ZNF462: variants seen among roughly 807,000 people sequenced by gnomAD.
ZNF462 encodes zinc finger protein 462, also known as zinc finger PBX1-interacting protein.
Under a neutral mutation model 201.9 loss-of-function variants are expected in ZNF462, and 10 were observed. That is an observed-to-expected ratio of 0.05 (90% confidence interval 0.03 to 0.08). ZNF462 has a LOEUF of 0.08. Ranked by LOEUF, ZNF462 falls within the 10% of genes least tolerant of loss-of-function variation. The pLI, the probability that ZNF462 is intolerant of heterozygous loss-of-function variation, is 1.00. For synonymous variants in ZNF462, 1,227 were observed against 1,193.3 expected (o/e 1.03, Z -0.58); for missense variants, 2,523 against 3,168.3 (o/e 0.80, Z 4.89).
chr9:106,863,048 GGAGGAGAGGAGA>G, upstream of ZNF462: 2 of 394,700 alleles, frequency 5.1e-6, no homozygotes, highest in Non-Finnish European at 8.9e-6. Flanking sequence ...CGAGGGAGAG[GGAGGAGAGGAGA>G]GAGAAGAGGA....
rs1306953823 is a variant in ZNF462, at chr9:106,923,411, G to C, written c.28G>C (p.Asp10His). The C allele has an allele frequency of 1.9e-6, 3 of 1,614,064 alleles. No homozygotes were observed. The African/African-American group carries it at 4.0e-5, about 22-fold the overall frequency. Reference protein sequence around the residue: MEVLQCDGCDFRAPSYEDLK... With the variant: MEVLQCDGCHFRAPSYEDLK... ...GGAGGTGCTTCAGTGTGATGGCTGTGATTTCCGAGCCCCGTCTTATGAAGA... is the reference window on the plus strand; with the variant it reads ...GGAGGTGCTTCAGTGTGATGGCTGTCATTTCCGAGCCCCGTCTTATGAAGA... The change falls in exon 2 of 13, where the codon GAT (aspartate) becomes CAT (histidine). Residue 10 changes from aspartate to histidine, a missense_variant. Asp to His is a moderately conservative substitution (Grantham distance 81). Coordinates refer to ENST00000277225, the MANE Select transcript of ZNF462 (RefSeq NM_021224.6). The surrounding 1 kb of genome is among the most constrained non-coding windows in gnomAD (Gnocchi z 5.6).
rs538337965 is a variant in ZNF462 at position 106,926,878 on chromosome 9, C to T, written c.2966C>T (p.Ala989Val). Reference protein sequence around the residue: ...EILNSAPKNMATSTPVARGGG... With the variant: ...EILNSAPKNMVTSTPVARGGG... ...CTGAATTCGGCTCCCAAGAACATGG[C>T]GACTTCCACACCTGTGGCTCGTGGT... The change falls in exon 3 of 13, where the codon GCG (alanine) becomes GTG (valine). Residue 989 changes from alanine (A) to valine (V), a missense_variant. Physicochemically the swap from Ala to Val is moderately conservative, Grantham distance 64. Transcript: ENST00000277225. This position sits in a 1 kb window ranked among gnomAD's most constrained non-coding sequence, Gnocchi z 7.9. 17 of 1,614,094 alleles carry T rather than the reference C, an allele frequency of 1.1e-5. No homozygotes were observed. The highest frequency in any genetic ancestry group is 3.3e-5 in the Admixed American group (2 of 60,026).
At position 106,917,350 on chromosome 9, in the gene ZNF462, A is replaced by G. The variant is rs1829815553; in HGVS notation, c.-30-6004A>G. Among the ~76,000 whole-genome samples the G allele has an allele frequency of 6.6e-6, 1 of 152,218 alleles. No individual in the cohort carries two copies. The highest frequency in any genetic ancestry group is 1.5e-5 in the Non-Finnish European group (1 of 68,032). On this transcript the variant is annotated intron_variant, in intron 1 of 12. Transcript: ENST00000277225. The surrounding 1 kb of genome is among the most constrained non-coding windows in gnomAD (Gnocchi z 4.5). ...TAAAATAAAAAGTAACCTGAAGGCT[A>G]GCATCCTTGGCCAGTAGGTGATTGG...
In ZNF462 at chr9:107,003,840, G is replaced by A. The variant is rs1829366379; in HGVS notation, c.7189+414G>A. Among the ~76,000 whole-genome samples, 1 of 152,074 alleles carries A rather than the reference G, an allele frequency of 6.6e-6. No homozygotes were observed. The highest frequency in any genetic ancestry group is 6.6e-5 in the Admixed American group (1 of 15,224). ...TGCTGGGGCACACACTGCTGGAACTGTAGGGGACGGTGGTGCAAAGAACTT... is the reference window on the plus strand; with the variant it reads ...TGCTGGGGCACACACTGCTGGAACTATAGGGGACGGTGGTGCAAAGAACTT... On this transcript the variant is annotated intron_variant, in intron 11 of 12. Transcript: ENST00000277225. This position sits in a 1 kb window ranked among gnomAD's most constrained non-coding sequence, Gnocchi z 4.4.
intron 7 of ZNF462, among the ~76,000 whole-genome samples, chr9:106,945,501 G>A (rs1029389099): frequency 1.9e-4 from 28 of 145,304 alleles, no homozygotes; most frequent in Non-Finnish European, 3.6e-4. Context: ...AAAATGAGGT[G>A]GTTTCTTTAA....
intron 11 of ZNF462, among the ~76,000 whole-genome samples, chr9:107,007,707 G>A (rs1008128712): frequency 3.3e-5 from 5 of 152,170 alleles, no homozygotes; most frequent in African/African-American, 1.2e-4. Flanking sequence ...AGCCTCGGGT[G>A]TTTCTGCTAG....
rs1827179488 is a variant in ZNF462, at chr9:106,864,039, G to GCTCGCGCT, written c.-31+687_-31+688insGCGCTCTC. Among the ~76,000 whole-genome samples, 21 of 22,758 alleles carry GCTCGCGCT rather than the reference G, an allele frequency of 9.2e-4. 1 individual carries two copies. Among genetic ancestry groups the GCTCGCGCT allele is most frequent in the Admixed American group, 7.0e-3 (12 of 1,716 alleles). 14.9% of individuals were successfully genotyped at this position (22,758 alleles called of 152,430 possible). ...AGCCCCCCTCTTCCTCAGGTATTTGGCTCTCTCTCTCTCTCTCTCTCTCTC... is the reference window on the plus strand; with the variant it reads ...AGCCCCCCTCTTCCTCAGGTATTTGGCTCGCGCTCTCTCTCTCTCTCTCTCTCTCTCTC... On this transcript the variant is annotated intron_variant, in intron 1 of 12. Transcript: ENST00000277225.
In ZNF462 at chr9:106,984,349, C is replaced by G. The variant is rs751720359; in HGVS notation, c.6996C>G (p.Leu2332=). The change falls in exon 10 of 13, where the codon CTC becomes CTG. Residue 2332 remains leucine, a synonymous_variant. Transcript: ENST00000277225. This position sits in a 1 kb window ranked among gnomAD's most constrained non-coding sequence, Gnocchi z 6.4. ...HNELKPYKCQ[L]CYYETKHTEE... is the part of the protein sequence containing the mutation. The stretch of plus-strand genomic sequence containing the variant: ...AACTGAAACCTTACAAATGCCAGCT[C>G]TGCTACTATGAGACCAAGCACACGG... 2 of 1,614,092 alleles carry G rather than the reference C, an allele frequency of 1.2e-6. No individual in the cohort carries two copies. The highest frequency in any genetic ancestry group is 1.7e-6 in the Non-Finnish European group (2 of 1,179,976).
At chr9:106,947,148 TG>T (rs906413949) in intron 7 of ZNF462, among the ~76,000 whole-genome samples, 1 of 152,208 alleles carries the variant, frequency 6.6e-6, no homozygotes, top group African/African-American at 2.4e-5. Flanking sequence ...GATATGTTCC[TG>T]CCATTGGGGC....
In ZNF462 at chr9:106,870,369, C is replaced by G. The variant is rs1827535952; in HGVS notation, c.-31+7014C>G. Among the ~76,000 whole-genome samples, 1 of 152,082 alleles carries G rather than the reference C, an allele frequency of 6.6e-6. No homozygotes were observed. Among genetic ancestry groups the G allele is most frequent in the Non-Finnish European group, 1.5e-5 (1 of 68,024 alleles). Reference sequence around the variant, plus strand: ...CCTTGCTTTCATGTGTTTGCTTGTTCAGTTCACTGCATGTTGCTTCTGGAT... The same window carrying G: ...CCTTGCTTTCATGTGTTTGCTTGTTGAGTTCACTGCATGTTGCTTCTGGAT... On this transcript the variant is annotated intron_variant, in intron 1 of 12. Coordinates refer to ENST00000277225, the MANE Select transcript of ZNF462 (RefSeq NM_021224.6). The surrounding 1 kb of genome is among the most constrained non-coding windows in gnomAD (Gnocchi z 4.3).
At chr9:106,990,245 G>A (rs186420555) in intron 10 of ZNF462, among the ~76,000 whole-genome samples, 10 of 152,034 alleles carry the variant, frequency 6.6e-5, no homozygotes, top group South Asian at 6.2e-4. Context: ...TTCCTTTTTA[G>A]AGTTGATTTC....
rs764119016 is a variant in ZNF462, at chr9:106,924,933, A to G, written c.1021A>G (p.Met341Val). 4.3e-6 allele frequency: 7 copies of G among 1,614,156 alleles called. No homozygotes were observed. Among genetic ancestry groups the G allele is most frequent in the Middle Eastern group, 1.6e-4 (1 of 6,062 alleles). The change falls in exon 3 of 13, where the codon ATG (methionine) becomes GTG (valine). Residue 341 changes from methionine to valine, a missense_variant. This residue lies in a region of ZNF462 where 480 missense variants were observed against 544.4 expected (regional missense o/e 0.88). Coordinates refer to ENST00000277225, the MANE Select transcript of ZNF462 (RefSeq NM_021224.6). This position sits in a 1 kb window ranked among gnomAD's most constrained non-coding sequence, Gnocchi z 6.2. Reference protein sequence around the residue: ...PNSSASKFSPMSYPQMKPKSP... With the variant: ...PNSSASKFSPVSYPQMKPKSP... ...TTCTTCAGCTTCCAAGTTTTCGCCC[A>G]TGTCTTACCCTCAGATGAAGCCGAA...
chr9:106,874,239 G>T (rs1827726953), intron 1 of ZNF462, among the ~76,000 whole-genome samples: 1 of 152,216 alleles, frequency 6.6e-6, no homozygotes, highest in African/African-American at 2.4e-5. Context: ...ACTCCATTCA[G>T]CCTTGGACAG....
At position 106,924,254 on chromosome 9, in the gene ZNF462, A is replaced by G; in HGVS notation, c.342A>G (p.Val114=). Residue 114 remains valine, a synonymous_variant, in exon 3 of 13, where the codon GTA becomes GTG. Coordinates refer to ENST00000277225, the MANE Select transcript of ZNF462 (RefSeq NM_021224.6). This position sits in a 1 kb window ranked among gnomAD's most constrained non-coding sequence, Gnocchi z 6.2. ...AGTTTTTTCAATGCAAGTTCTGTGT[A>G]CGCTACTTCAGGTCAAAAAACCTCC... ...TNKFFQCKFC[V]RYFRSKNLLI... The G allele has an allele frequency of 1.2e-6, 2 of 1,614,146 alleles. No individual in the cohort carries two copies. Among genetic ancestry groups the G allele is most frequent in the Non-Finnish European group, 1.7e-6 (2 of 1,180,032 alleles).
chr9:106,941,589 A>G (rs1830872301), intron 7 of ZNF462, among the ~76,000 whole-genome samples: 1 of 152,246 alleles, frequency 6.6e-6, no homozygotes, highest in Non-Finnish European at 1.5e-5. Context: ...TCCGTACACA[A>G]AAGTCATTGG....
At chr9:106,931,031 G>C (rs907924152) in intron 4 of ZNF462, 7 of 229,720 alleles carry the variant, frequency 3.0e-5, no homozygotes, top group Non-Finnish European at 5.3e-5. Flanking sequence ...CTCTTGAGAG[G>C]AATCAAGTGG....
At chr9:106,998,316 C>G (rs772895108) in intron 10 of ZNF462, among the ~76,000 whole-genome samples, 1 of 152,134 alleles carries the variant, frequency 6.6e-6, no homozygotes, top group African/African-American at 2.4e-5. Context: ...GGTTCCAGTT[C>G]CATTCTATCA....
Position 107,003,300 on chromosome 9 carries a change from C to G in ZNF462, c.7063C>G (p.Arg2355Gly). The change falls in exon 11 of 13, where the codon CGT becomes GGT. Residue 2355 changes from arginine to glycine, a missense_variant. This residue lies in a region of ZNF462 where 228 missense variants were observed against 361.2 expected (regional missense o/e 0.63). Coordinates refer to ENST00000277225, the MANE Select transcript of ZNF462 (RefSeq NM_021224.6). This position sits in a 1 kb window ranked among gnomAD's most constrained non-coding sequence, Gnocchi z 4.4. ...SHLRDEHKVS[R>G]NFELVGRVNL... ...TTGTTTGGGCCTTTTTCAGGTAAGC[C>G]GTAACTTTGAGCTGGTTGGACGGGT... 6.2e-7 allele frequency: 1 copy of G among 1,613,304 alleles called. No individual in the cohort carries two copies. The highest frequency in any genetic ancestry group is 8.5e-7 in the Non-Finnish European group (1 of 1,179,626).
intron 7 of ZNF462, among the ~76,000 whole-genome samples, chr9:106,961,135 TAC>T (rs1831819417): frequency 6.6e-6 from 1 of 152,104 alleles, no homozygotes; most frequent in Non-Finnish European, 1.5e-5. Context: ...TGGTACCCAT[TAC>T]ACCTGAGCAT....
Sources: gnomAD v4.1 joint callset for allele counts (sites outside exome capture counted in the v4.1 genomes callset) on GRCh38, gnomAD v4.1.1 for gene constraint, gnomAD v4.1.1 regional missense constraint, Gnocchi (gnomAD v3.1) non-coding constraint, MANE v1.5 for transcripts, NCBI Gene and HGNC (gene_info 2026-07-23, HGNC 2026-07-21) for gene names.